CDC42SE2: variants seen among roughly 807,000 people sequenced by gnomAD.
CDC42SE2 encodes the protein CDC42 small effector 2, also known as CDC42 small effector protein 2.
Under a neutral mutation model 11.5 loss-of-function variants are expected in CDC42SE2, and 3 were observed. That is an observed-to-expected ratio of 0.26 (90% CI 0.12 to 0.67). The LOEUF (loss-of-function observed/expected upper bound fraction) is 0.67. CDC42SE2 is among the 30% of genes least tolerant of loss of function. The pLI, the probability that CDC42SE2 is intolerant of heterozygous loss-of-function variation, is 0.80. For synonymous variants in CDC42SE2, 33 were observed against 34.8 expected, an observed-to-expected ratio of 0.95 and a Z score of 0.18; for missense variants, 82 against 106.8, an observed-to-expected ratio of 0.77 and a Z score of 1.02.
chr5:131,332,365 CATT>C (rs943323682), intron 2 of CDC42SE2, among the ~76,000 whole-genome samples: 1 of 152,180 alleles, frequency 6.6e-6, no homozygotes, highest in African/African-American at 2.4e-5. Flanking sequence ...TCCAGTCTAT[CATT>C]GTTGGACATT....
intron 1 of CDC42SE2, among the ~76,000 whole-genome samples, chr5:131,304,346 G>A (rs1316851931): frequency 6.6e-6 from 1 of 152,020 alleles, no homozygotes; most frequent in East Asian, 1.9e-4. Flanking sequence ...CGTCTCTTCA[G>A]TATAAATGAC....
intron 1 of CDC42SE2, among the ~76,000 whole-genome samples, chr5:131,249,062 G>A (rs181075803): frequency 8.4e-4 from 114 of 135,970 alleles, no homozygotes; most frequent in African/African-American, 3.2e-3. Flanking sequence ...CTGTTGCCCA[G>A]GCTGGAGTGC....
intron 1 of CDC42SE2, among the ~76,000 whole-genome samples, chr5:131,278,559 C>G (rs1022142776): frequency 6.6e-6 from 1 of 151,074 alleles, no homozygotes; most frequent in Non-Finnish European, 1.5e-5. Context: ...ACATTTACAG[C>G]ATGGCAGACT....
chr5:131,293,284 G>A (rs959634232), intron 1 of CDC42SE2, among the ~76,000 whole-genome samples: 5 of 152,038 alleles, frequency 3.3e-5, no homozygotes, highest in East Asian at 1.9e-4. Flanking sequence ...GAGAAAGTGG[G>A]CCCTCAGCCG....
intron 1 of CDC42SE2, among the ~76,000 whole-genome samples, chr5:131,311,177 G>A (rs896935236): frequency 6.6e-6 from 1 of 151,972 alleles, no homozygotes; most frequent in South Asian, 2.1e-4. Context: ...GTCTGTAAAG[G>A]ATTTTATTTC....
upstream of CDC42SE2, among the ~76,000 whole-genome samples, chr5:131,259,748 G>A (rs775901453): frequency 2.6e-5 from 4 of 152,198 alleles, no homozygotes; most frequent in Non-Finnish European, 5.9e-5. Flanking sequence ...TGATAAATCA[G>A]GAAATATGGT....
chr5:131,358,335 A>T lies in CDC42SE2; in HGVS notation c.-285-874A>T, dbSNP rs143735005. On this transcript the variant is annotated intron_variant, in intron 2 of 4. Transcript: ENST00000505065. ...AACGTCTGGTGCACAGGTGAAACTGATCTTAGGGATGCCTAGAATCAGAGA... is the reference window on the plus strand; with the variant it reads ...AACGTCTGGTGCACAGGTGAAACTGTTCTTAGGGATGCCTAGAATCAGAGA... Among the ~76,000 whole-genome samples, 528 of 152,216 alleles carry T rather than the reference A, an allele frequency of 3.5e-3. 4 individuals carry two copies. Among genetic ancestry groups the T allele is most frequent in the Non-Finnish European group, 5.8e-3 (394 of 68,006 alleles).
chr5:131,271,562 T>C (rs146706406), intron 1 of CDC42SE2, among the ~76,000 whole-genome samples: 114 of 152,240 alleles, frequency 7.5e-4, no homozygotes, highest in South Asian at 6.2e-3. Context: ...CTTCAGCATC[T>C]GGGGATTTGG....
At chr5:131,337,728 A>G (rs112079694) in intron 2 of CDC42SE2, among the ~76,000 whole-genome samples, 2,642 of 152,298 alleles carry the variant, frequency 0.017, 77 homozygotes, top group African/African-American at 0.06. Context: ...CTGCTGTGCT[A>G]GCAATGAGCG....
At chr5:131,227,824 C>A in the CDC42SE2 span, among the ~76,000 whole-genome samples, 3 of 152,364 alleles carry the variant, frequency 2.0e-5, no homozygotes, top group South Asian at 4.1e-4. Flanking sequence ...GTGGGCAGAT[C>A]TCTTGAGTGC....
chr5:131,271,751 A>C (rs1403742409), intron 1 of CDC42SE2, among the ~76,000 whole-genome samples: 6 of 152,162 alleles, frequency 3.9e-5, no homozygotes, highest in Non-Finnish European at 8.8e-5. Flanking sequence ...ACCCTGCCTT[A>C]AATTTGTGGT....
At chr5:131,379,064 G>A (rs1035216194) in intron 3 of CDC42SE2, among the ~76,000 whole-genome samples, 3 of 152,146 alleles carry the variant, frequency 2.0e-5, no homozygotes, top group Non-Finnish European at 4.4e-5. Flanking sequence ...TAGATTTAGG[G>A]ATTTAGTTAC....
chr5:131,221,360 A>G, the CDC42SE2 span, among the ~76,000 whole-genome samples: 5 of 152,074 alleles, frequency 3.3e-5, no homozygotes, highest in Admixed American at 3.3e-4. Flanking sequence ...GTGTGGCTCA[A>G]GACAATTCTT....
intron 1 of CDC42SE2, among the ~76,000 whole-genome samples, chr5:131,273,370 G>A (rs1757033163): frequency 6.7e-6 from 1 of 149,830 alleles, no homozygotes; most frequent in South Asian, 2.1e-4. Flanking sequence ...TGGCCAGGCT[G>A]GTCTCAAACT....
At chr5:131,322,451 G>A (rs1331132993) in intron 2 of CDC42SE2, among the ~76,000 whole-genome samples, 1 of 152,132 alleles carries the variant, frequency 6.6e-6, no homozygotes, top group East Asian at 1.9e-4. Context: ...ATTTCACTTA[G>A]TATAGTGTTC....
chr5:131,328,963 C>T (rs960163363), intron 2 of CDC42SE2, among the ~76,000 whole-genome samples: 3 of 152,204 alleles, frequency 2.0e-5, no homozygotes, highest in African/African-American at 7.2e-5. Flanking sequence ...GAGGTTATCT[C>T]CTTAGATTAT....
At position 131,335,305 on chromosome 5, in the gene CDC42SE2, A is replaced by G. The variant is rs1186669986; in HGVS notation, c.-286+19161A>G. Among the ~76,000 whole-genome samples the G allele has an allele frequency of 2.0e-5, 3 of 152,124 alleles. No individual in the cohort carries two copies. The East Asian group carries it at 5.8e-4, about 29-fold the overall frequency. ...AGTGAGTTTCTTAATCCTGAGTTCT[A>G]GTTTGATTGCACTGTGGTCTGAGAG... On this transcript the variant is annotated intron_variant, in intron 2 of 4. Transcript: ENST00000505065.
chr5:131,235,995 G>T, the CDC42SE2 span, among the ~76,000 whole-genome samples: 1 of 152,092 alleles, frequency 6.6e-6, no homozygotes, highest in Non-Finnish European at 1.5e-5. Flanking sequence ...GTTAAAAACC[G>T]TTTTTTATAT....
At chr5:131,318,934 C>T (rs549869343) in intron 2 of CDC42SE2, among the ~76,000 whole-genome samples, 7 of 152,222 alleles carry the variant, frequency 4.6e-5, no homozygotes, top group African/African-American at 1.4e-4. Flanking sequence ...CAGAGTCTCA[C>T]TCTGTTGCAC....
Sources: allele counts gnomAD v4.1 joint callset (sites outside exome capture counted in the v4.1 genomes callset), GRCh38; gene constraint gnomAD v4.1.1; transcripts MANE v1.5; gene names NCBI Gene and HGNC (gene_info 2026-07-23, HGNC 2026-07-21).